Variants in CDK13 observed in about 807,000 individuals in gnomAD.
CDK13 encodes cyclin dependent kinase 13, also known as cyclin-dependent kinase 13.
CDK13 carries 40 observed loss-of-function variants against 137.6 expected under a neutral mutation model. The ratio of observed to expected loss-of-function variants is 0.29; its 90% CI spans 0.23 to 0.38. The LOEUF (loss-of-function observed/expected upper bound fraction) is 0.38, where lower values mean the gene tolerates loss of function less well. Ranked by LOEUF, CDK13 falls within the 10% of genes least tolerant of loss-of-function variation. CDK13 has a pLI of 1.00. For missense variants in CDK13, 1,704 were observed against 1,951.8 expected (o/e 0.87, Z 2.39); for synonymous variants, 869 against 760.1 (o/e 1.14, Z -2.36).
intron 5 of CDK13, among the ~76,000 whole-genome samples, chr7:40,005,572 C>T (rs1210862434): frequency 6.6e-6 from 1 of 152,036 alleles, no homozygotes; most frequent in Non-Finnish European, 1.5e-5. Context: ...GCTTAGATTA[C>T]AGGCGTGAGC....
chr7:40,061,782 C>A (rs1234469674), intron 7 of CDK13: 1 of 152,206 alleles, frequency 6.6e-6, no homozygotes, highest in Non-Finnish European at 1.5e-5. Flanking sequence ...TAGAACGTGA[C>A]CATTCTCTGA....
In CDK13 at chr7:40,093,065, T is replaced by G; in HGVS notation, c.3516T>G (p.Thr1172=). Reference sequence around the variant, plus strand: ...AGACCATCCAGCCTAAAGTGGAGACTGATGCTGCCCAGGCGGCTGTGCAGA... The same window carrying G: ...AGACCATCCAGCCTAAAGTGGAGACGGATGCTGCCCAGGCGGCTGTGCAGA... ...SSQTIQPKVE[T]DAAQAAVQSA... Residue 1172 remains threonine (T), a synonymous_variant, in exon 13 of 14, where the codon ACT becomes ACG. Coordinates refer to ENST00000181839, the MANE Select transcript of CDK13 (RefSeq NM_003718.5). The G allele has an allele frequency of 6.2e-7, 1 of 1,614,188 alleles. No individual in the cohort carries two copies. Among genetic ancestry groups the G allele is most frequent in the Non-Finnish European group, 8.5e-7 (1 of 1,180,036 alleles).
Position 40,043,230 on chromosome 7 carries a change from A to G in CDK13, c.2354-2606A>G, listed in dbSNP as rs1782848146. On this transcript the variant is annotated intron_variant, in intron 5 of 13. Coordinates refer to ENST00000181839, the MANE Select transcript of CDK13 (RefSeq NM_003718.5). The stretch of plus-strand genomic sequence containing the variant: ...GGGATTATACATTTGTCAAAACACT[A>G]TTTTATCTATTCTTTCTTCACTGAC... 2.6e-5 allele frequency among the ~76,000 whole-genome samples: 4 copies of G among 152,276 alleles called. No homozygotes were observed. In the South Asian group the frequency reaches 8.3e-4, roughly 32 times the overall value.
intron 11 of CDK13, among the ~76,000 whole-genome samples, chr7:40,083,533 TTG>T (rs1786717309): frequency 6.6e-6 from 1 of 152,330 alleles, no homozygotes; most frequent in South Asian, 2.1e-4. Flanking sequence ...ATTTTTAAAA[TTG>T]TTTCTTAATT....
chr7:40,041,722 T>A (rs549026453), intron 5 of CDK13, among the ~76,000 whole-genome samples: 3 of 152,184 alleles, frequency 2.0e-5, no homozygotes, highest in Non-Finnish European at 2.9e-5. Flanking sequence ...ATAACTGACT[T>A]CCTTTTACTC....
chr7:39,989,593 G>C (rs1340372616), intron 2 of CDK13, among the ~76,000 whole-genome samples: 1 of 151,878 alleles, frequency 6.6e-6, no homozygotes, highest in East Asian at 1.9e-4. Context: ...CAATTTAATC[G>C]GGTGTTATTT....
chr7:39,996,983 A>AAAAAAAAG (rs1562719391), intron 2 of CDK13, among the ~76,000 whole-genome samples: 87 of 141,458 alleles, frequency 6.2e-4, no homozygotes, highest in African/African-American at 2.4e-3. Context: ...AAAAGAAAAA[A>AAAAAAAAG]AAAAAGAAAA....
At chr7:39,965,405 T>G (rs1021388449) in intron 1 of CDK13, among the ~76,000 whole-genome samples, 6 of 152,216 alleles carry the variant, frequency 3.9e-5, no homozygotes, top group African/African-American at 1.4e-4. Flanking sequence ...CTTTGTTGGC[T>G]TAAAGTCTGT....
intron 1 of CDK13, chr7:39,984,342 C>T (rs10951623): frequency 0.089 from 13,385 of 150,380 alleles, 1,022 homozygotes; most frequent in East Asian, 0.36. Flanking sequence ...CCCAAGAAGT[C>T]GAGGCTGCAG....
intron 5 of CDK13, among the ~76,000 whole-genome samples, chr7:40,012,911 C>CAA (rs61228761): frequency 2.5e-5 from 3 of 120,616 alleles, no homozygotes; most frequent in Admixed American, 8.7e-5. Context: ...GACTCTGTGT[C>CAA]AAAAAAAAAA....
intron 1 of CDK13, chr7:39,987,029 A>T (rs1210694464): frequency 6.6e-6 from 1 of 152,200 alleles, no homozygotes; most frequent in Non-Finnish European, 1.5e-5. Context: ...TGACCTCGTG[A>T]TCCGCCCGCC....
In CDK13 at chr7:40,078,071, C is replaced by T; in HGVS notation, c.2847C>T (p.Thr949=). Residue 949 remains threonine, a synonymous_variant, in exon 10 of 14, where the codon ACC becomes ACT. Coordinates refer to ENST00000181839, the MANE Select transcript of CDK13 (RefSeq NM_003718.5). ...PDVIKLPYFN[T]MKPKKQYRRK... is the part of the protein sequence containing the mutation. Reference sequence around the variant, plus strand: ...TAATCAAACTACCATATTTCAACACCATGAAACCAAAGAAGCAATATCGTC... The same window carrying T: ...TAATCAAACTACCATATTTCAACACTATGAAACCAAAGAAGCAATATCGTC... The T allele has an allele frequency of 6.2e-7, 1 of 1,603,160 alleles. No individual in the cohort carries two copies. Among genetic ancestry groups the T allele is most frequent in the South Asian group, 1.1e-5 (1 of 89,236 alleles).
At chr7:40,003,846 G>T (rs1434913232) in intron 5 of CDK13, among the ~76,000 whole-genome samples, 1 of 152,104 alleles carries the variant, frequency 6.6e-6, no homozygotes, top group Non-Finnish European at 1.5e-5. Flanking sequence ...AATTTGAAAG[G>T]CTAATTTCTC....
intron 5 of CDK13, among the ~76,000 whole-genome samples, chr7:40,043,170 G>A (rs968433964): frequency 9.9e-5 from 15 of 152,056 alleles, no homozygotes; most frequent in African/African-American, 3.4e-4. Flanking sequence ...GCTTTTTATT[G>A]CATTTTTCTT....
intron 9 of CDK13, among the ~76,000 whole-genome samples, chr7:40,076,031 T>C (rs769141028): frequency 1.8e-4 from 27 of 152,194 alleles, no homozygotes; most frequent in Non-Finnish European, 3.8e-4. Context: ...TTCCCACCTG[T>C]CTATGGTTTA....
intron 1 of CDK13, chr7:39,985,340 A>G (rs575512835): frequency 6.3e-6 from 1 of 158,286 alleles, no homozygotes; most frequent in East Asian, 1.8e-4. Context: ...TAGATTGTTT[A>G]TATGTACCAC....
chr7:40,078,216 G>A (rs923812928), intron 10 of CDK13, 95 bp downstream of exon 10: 5 of 587,492 alleles, frequency 8.5e-6, no homozygotes, highest in Non-Finnish European at 1.5e-5. Context: ...GTGATCTGAG[G>A]TAAACCTATA....
intron 1 of CDK13, among the ~76,000 whole-genome samples, chr7:39,970,017 C>CTTT (rs869070174): frequency 1.5e-5 from 2 of 136,724 alleles, no homozygotes; most frequent in South Asian, 2.3e-4. Context: ...GTGATTTATG[C>CTTT]TTTTTTTTTT....
chr7:40,066,527 T>C (rs886403436), intron 9 of CDK13, among the ~76,000 whole-genome samples: 3 of 152,286 alleles, frequency 2.0e-5, no homozygotes, highest in Non-Finnish European at 2.9e-5. Flanking sequence ...ATTTTTATGC[T>C]TTTTATTATT....
Sources: gnomAD v4.1 joint callset for allele counts (sites outside exome capture counted in the v4.1 genomes callset) on GRCh38, gnomAD v4.1.1 for gene constraint, MANE v1.5 for transcripts, NCBI Gene and HGNC (gene_info 2026-07-23, HGNC 2026-07-21) for gene names.